Variants in AP3B1 observed in about 807,000 individuals in gnomAD.
The protein encoded by AP3B1 is AP-3 complex subunit beta-1.
Under a neutral mutation model 132.5 loss-of-function variants are expected in AP3B1, and 61 were observed. That is an observed-to-expected ratio of 0.46 (90% CI 0.37 to 0.57). The LOEUF (loss-of-function observed/expected upper bound fraction) is 0.57. AP3B1 is among the 20% of genes least tolerant of loss of function. AP3B1 has a pLI of 0.00. For synonymous variants in AP3B1, 388 were observed against 438.3 expected, an observed-to-expected ratio of 0.89 and a Z score of 1.43; for missense variants, 1,120 against 1,289.4, an observed-to-expected ratio of 0.87 and a Z score of 2.01.
intron 22 of AP3B1, among the ~76,000 whole-genome samples, chr5:78,074,207 G>A (rs1749667032): frequency 6.6e-6 from 1 of 152,022 alleles, no homozygotes; most frequent in African/African-American, 2.4e-5. Flanking sequence ...TCTAGGAAAA[G>A]GAGAGATGAA....
At chr5:78,290,571 C>A (rs1749469368) in intron 1 of AP3B1, among the ~76,000 whole-genome samples, 1 of 148,232 alleles carries the variant, frequency 6.7e-6, no homozygotes, top group South Asian at 2.2e-4. Flanking sequence ...GCACACATAC[C>A]CAAATTGGTT....
intron 17 of AP3B1, among the ~76,000 whole-genome samples, chr5:78,122,327 G>C (rs1752247764): frequency 6.6e-6 from 1 of 152,152 alleles, no homozygotes; most frequent in African/African-American, 2.4e-5. Flanking sequence ...ATTCAACATA[G>C]GGTTGGAAGT....
chr5:78,135,237 G>A (rs1457261524), intron 15 of AP3B1, among the ~76,000 whole-genome samples: 2 of 152,088 alleles, frequency 1.3e-5, no homozygotes, highest in African/African-American at 4.8e-5. Context: ...TAGCAGAAAA[G>A]TAGAAACTTA....
intron 17 of AP3B1, among the ~76,000 whole-genome samples, chr5:78,124,162 C>T (rs1223023057): frequency 6.6e-6 from 1 of 151,972 alleles, no homozygotes; most frequent in Non-Finnish European, 1.5e-5. Flanking sequence ...AACACATGGA[C>T]ACAGGAAGGG....
intron 26 of AP3B1, among the ~76,000 whole-genome samples, chr5:78,013,807 T>A (rs1215823958): frequency 2.0e-5 from 3 of 152,214 alleles, no homozygotes; most frequent in African/African-American, 7.2e-5. Context: ...TATCATGACC[T>A]TACATCCATT....
chr5:78,229,848 C>T (rs1465227019), intron 3 of AP3B1, among the ~76,000 whole-genome samples: 1 of 152,122 alleles, frequency 6.6e-6, no homozygotes, highest in African/African-American at 2.4e-5. Flanking sequence ...AATATAAAAA[C>T]AGTACTATAC....
intron 4 of AP3B1, among the ~76,000 whole-genome samples, chr5:78,227,746 G>A (rs757040929): frequency 3.0e-4 from 45 of 152,092 alleles, no homozygotes; most frequent in Admixed American, 5.9e-4. Context: ...AAAAGTAATA[G>A]TTATAATTCT....
At chr5:78,222,515 T>G (rs1306839326) in intron 6 of AP3B1, 4 of 152,150 alleles carry the variant, frequency 2.6e-5, no homozygotes, top group Non-Finnish European at 5.9e-5. Flanking sequence ...TGAACACTAG[T>G]ATAATTGTTT....
Position 78,002,486 on chromosome 5 carries a change from A to G in AP3B1, c.*416T>C. On this transcript the variant is annotated 3_prime_UTR_variant, in exon 27 of 27. Coordinates refer to ENST00000255194, the MANE Select transcript of AP3B1 (RefSeq NM_003664.5). ...AAAAAGTATGTGATCTCATTTTCAC[A>G]TACCAAGCTGAGAGGCCATTTAGAC... 2.3e-6 allele frequency: 1 copy of G among 439,858 alleles called. No individual in the cohort carries two copies. The allele number at this position is 439,858 out of a possible 1,614,324, so 27.2% of individuals were successfully genotyped here.
intron 22 of AP3B1, among the ~76,000 whole-genome samples, chr5:78,064,141 T>C (rs559252315): frequency 5.3e-5 from 8 of 150,962 alleles, no homozygotes; most frequent in Non-Finnish European, 1.2e-4. Flanking sequence ...TGTACAGATA[T>C]ATACAAGTAC....
At chr5:78,182,308 C>G (rs531705970) in intron 7 of AP3B1, among the ~76,000 whole-genome samples, 11 of 152,352 alleles carry the variant, frequency 7.2e-5, no homozygotes, top group African/African-American at 2.6e-4. Flanking sequence ...TAGCCACATA[C>G]ATCCAATTCA....
chr5:78,181,831 T>C (rs576057522), intron 7 of AP3B1, among the ~76,000 whole-genome samples, 169 bp from the exon 8 acceptor site: 1 of 152,302 alleles, frequency 6.6e-6, no homozygotes, highest in African/African-American at 2.4e-5. Context: ...TAAAGGTCTA[T>C]TGATTTTTCT....
chr5:78,069,446 A>G (rs112441487), intron 22 of AP3B1, among the ~76,000 whole-genome samples: 67 of 152,252 alleles, frequency 4.4e-4, no homozygotes, highest in Middle Eastern at 3.4e-3. Flanking sequence ...AAGCATTCCT[A>G]TACACCAACA....
chr5:78,083,174 A>T (rs868805341), intron 22 of AP3B1, among the ~76,000 whole-genome samples: 1 of 152,192 alleles, frequency 6.6e-6, no homozygotes, highest in Non-Finnish European at 1.5e-5. Flanking sequence ...TAAAAACATA[A>T]TCTTAAATAG....
At chr5:78,046,032 C>G (rs965032787) in intron 22 of AP3B1, among the ~76,000 whole-genome samples, 5 of 152,184 alleles carry the variant, frequency 3.3e-5, no homozygotes, top group African/African-American at 1.2e-4. Context: ...CATTTACTAT[C>G]TGGTACCTTT....
Position 78,028,302 on chromosome 5 carries a change from ATAC to A in AP3B1, c.2894+6056_2894+6058del, listed in dbSNP as rs1747424905. Among the ~76,000 whole-genome samples, 4 of 151,784 alleles carry A rather than the reference ATAC, an allele frequency of 2.6e-5. No individual in the cohort carries two copies. In the South Asian group the frequency reaches 6.3e-4, roughly 24 times the overall value. On this transcript the variant is annotated intron_variant, in intron 24 of 26. Coordinates refer to ENST00000255194, the MANE Select transcript of AP3B1 (RefSeq NM_003664.5). Reference sequence around the variant, plus strand: ...TGGTGAAACCCTGTCTCTACTGAAAATACTACAATTAGTCGGGCATGGTGGTGC... The same window carrying A: ...TGGTGAAACCCTGTCTCTACTGAAAATACAATTAGTCGGGCATGGTGGTGC...
chr5:78,142,851 T>C (rs987268003), intron 14 of AP3B1, among the ~76,000 whole-genome samples: 5 of 152,152 alleles, frequency 3.3e-5, no homozygotes, highest in African/African-American at 7.2e-5. Flanking sequence ...ATAAAACTGA[T>C]GCCCTTACTG....
chr5:78,113,777 T>C lies in AP3B1; in HGVS notation c.2224A>G (p.Arg742Gly), dbSNP rs1337463520. ...SGLENKRTAKRNSKAKGKSDS... is the reference protein window; with the variant it reads ...SGLENKRTAKGNSKAKGKSDS... Reference sequence around the variant, plus strand: ...CTTTTTCCTTTGGCTTTTGAGTTCCTCTTGGCTGTTCTTTTGTTTTCTAGG... The same window carrying C: ...CTTTTTCCTTTGGCTTTTGAGTTCCCCTTGGCTGTTCTTTTGTTTTCTAGG... Residue 742 changes from arginine to glycine, a missense_variant, in exon 19 of 27, where the codon AGG becomes GGG. This residue lies in a region of AP3B1 where 906 missense variants were observed against 997.1 expected (regional missense o/e 0.91). Coordinates refer to ENST00000255194, the MANE Select transcript of AP3B1 (RefSeq NM_003664.5). 1 of 1,614,138 alleles carries C rather than the reference T, an allele frequency of 6.2e-7. No individual in the cohort carries two copies. The highest frequency in any genetic ancestry group is 2.2e-5 in the East Asian group (1 of 44,886).
At chr5:78,141,440 G>C in intron 14 of AP3B1, 121 bp from the exon 15 acceptor site, 1 of 728,290 alleles carries the variant, frequency 1.4e-6, no homozygotes, top group Non-Finnish European at 2.2e-6. Flanking sequence ...TGTATATCTA[G>C]GAATTAATCC....
Sources: gnomAD v4.1 joint callset for allele counts (sites outside exome capture counted in the v4.1 genomes callset) on GRCh38, gnomAD v4.1.1 for gene constraint, gnomAD v4.1.1 regional missense constraint, MANE v1.5 for transcripts, NCBI Gene and HGNC (gene_info 2026-07-23, HGNC 2026-07-21) for gene names.